The following GPC6 variants were observed in gnomAD, a reference collection of about 807,000 sequenced individuals.
The protein encoded by GPC6 is glypican 6, also known as glypican-6.
A neutral mutation model predicts 55.2 loss-of-function variants in GPC6; 14 were observed. The observed-to-expected ratio is 0.25, with a 90% CI of 0.17 to 0.40. The LOEUF (loss-of-function observed/expected upper bound fraction) is 0.40. Among genes scored for constraint, GPC6 ranks in the 10% least tolerant of loss-of-function variants. The probability of loss-of-function intolerance (pLI) is 1.00; values close to 1 mark genes in which losing one functional copy is unlikely to be tolerated. For missense variants in GPC6, 641 were observed against 708.5 expected, an observed-to-expected ratio of 0.90 and a Z score of 1.08; for synonymous variants, 278 against 259.6, an observed-to-expected ratio of 1.07 and a Z score of -0.68.
At chr13:94,246,993 G>A (rs919979877) in intron 4 of GPC6, among the ~76,000 whole-genome samples, 2 of 152,006 alleles carry the variant, frequency 1.3e-5, no homozygotes, top group South Asian at 2.1e-4. Flanking sequence ...CATGAGCATC[G>A]AATATCTTTT....
chr13:93,814,092 C>T (rs1361788819), intron 2 of GPC6, among the ~76,000 whole-genome samples: 1 of 151,922 alleles, frequency 6.6e-6, no homozygotes, highest in South Asian at 2.1e-4. Flanking sequence ...TCATATGTGG[C>T]AGAAGGTAAT....
At chr13:93,505,462 G>A (rs911313895) in intron 1 of GPC6, among the ~76,000 whole-genome samples, 2 of 152,052 alleles carry the variant, frequency 1.3e-5, no homozygotes, top group Non-Finnish European at 2.9e-5. Flanking sequence ...GAGACAGAGA[G>A]AGAGAGAGAG....
chr13:93,978,114 C>G (rs1012490609), intron 3 of GPC6, among the ~76,000 whole-genome samples: 7 of 152,154 alleles, frequency 4.6e-5, no homozygotes, highest in Admixed American at 2.6e-4. Context: ...GTGAGAAAAA[C>G]TTCACCAGCT....
At chr13:93,366,673 T>C (rs1173256120) in intron 1 of GPC6, among the ~76,000 whole-genome samples, 2 of 152,044 alleles carry the variant, frequency 1.3e-5, no homozygotes, top group East Asian at 1.9e-4. Flanking sequence ...CTCATTCAAA[T>C]TGAGCAGATT....
At chr13:93,518,238 A>T (rs1881278079) in intron 1 of GPC6, among the ~76,000 whole-genome samples, 1 of 151,876 alleles carries the variant, frequency 6.6e-6, no homozygotes, top group African/African-American at 2.4e-5. Context: ...CAGAGTTTTG[A>T]TCATTATCTA....
At chr13:94,362,352 T>G (rs1449415068) in intron 6 of GPC6, among the ~76,000 whole-genome samples, 3 of 152,210 alleles carry the variant, frequency 2.0e-5, no homozygotes, top group Admixed American at 6.5e-5. Flanking sequence ...ATCAATAACA[T>G]AAAATTTCAC....
intron 3 of GPC6, among the ~76,000 whole-genome samples, chr13:93,989,614 G>A (rs1315192382): frequency 1.3e-5 from 2 of 152,272 alleles, no homozygotes; most frequent in East Asian, 3.9e-4. Context: ...GAGATAGGGG[G>A]AGATGAAGAT....
At chr13:94,241,898 C>G (rs761808876) in intron 4 of GPC6, among the ~76,000 whole-genome samples, 11 of 150,506 alleles carry the variant, frequency 7.3e-5, no homozygotes, top group Non-Finnish European at 1.2e-4. Context: ...CTTTTTTTTT[C>G]TTTTTAATGT....
At chr13:93,285,186 G>A (rs948696557) in intron 1 of GPC6, among the ~76,000 whole-genome samples, 4 of 152,232 alleles carry the variant, frequency 2.6e-5, no homozygotes, top group African/African-American at 9.6e-5. Flanking sequence ...GCAATAATGC[G>A]TGCTGTTGTA....
intron 2 of GPC6, among the ~76,000 whole-genome samples, chr13:93,576,976 A>G (rs963013815): frequency 7.2e-5 from 11 of 152,082 alleles, no homozygotes; most frequent in African/African-American, 2.7e-4. Flanking sequence ...TTTGAAATAC[A>G]TTTTTTCACT....
chr13:93,691,964 G>C (rs1236555342), intron 2 of GPC6, among the ~76,000 whole-genome samples: 1 of 151,960 alleles, frequency 6.6e-6, no homozygotes, highest in Admixed American at 6.6e-5. Context: ...CTATCCCATT[G>C]CTGTAAAGGT....
intron 4 of GPC6, among the ~76,000 whole-genome samples, chr13:94,063,596 G>A (rs1884413290): frequency 6.6e-6 from 1 of 152,072 alleles, no homozygotes. Context: ...CTGTGGAGAG[G>A]ACCATGAAGT....
intron 4 of GPC6, among the ~76,000 whole-genome samples, chr13:94,170,933 G>A (rs1214702126): frequency 6.6e-6 from 1 of 152,192 alleles, no homozygotes; most frequent in Non-Finnish European, 1.5e-5. Context: ...AGAGTGCGAG[G>A]AAATAAATCT....
rs998370402 is a variant in GPC6 at position 93,374,775 on chromosome 13, A to G, written c.160+147159A>G. The stretch of plus-strand genomic sequence containing the variant: ...TACCTACCTGTTTTCTTCATTAGCT[A>G]AGTATGGATATGGTAATCATATTTT... On this transcript the variant is annotated intron_variant, in intron 1 of 8. Transcript: ENST00000377047. 4.6e-5 allele frequency among the ~76,000 whole-genome samples: 7 copies of G among 152,238 alleles called. No individual in the cohort carries two copies. The South Asian group carries it at 8.3e-4, about 18-fold the overall frequency.
At chr13:93,446,486 G>T (rs574877870) in intron 1 of GPC6, among the ~76,000 whole-genome samples, 5 of 142,926 alleles carry the variant, frequency 3.5e-5, no homozygotes, top group Non-Finnish European at 8.0e-5. Context: ...AGCTAGAATA[G>T]GTTTTTACAG....
intron 2 of GPC6, among the ~76,000 whole-genome samples, chr13:93,670,583 A>G (rs1881319965): frequency 6.6e-6 from 1 of 152,228 alleles, no homozygotes; most frequent in South Asian, 2.1e-4. Context: ...ATAATATTAC[A>G]TAATAGACTG....
intron 2 of GPC6, among the ~76,000 whole-genome samples, chr13:93,789,641 A>G (rs1325422550): frequency 9.8e-6 from 1 of 102,520 alleles, no homozygotes; most frequent in African/African-American, 3.7e-5. Context: ...ATATATATAT[A>G]TATAGTATTC....
At chr13:93,304,173 C>T (rs951483404) in intron 1 of GPC6, among the ~76,000 whole-genome samples, 23 of 152,050 alleles carry the variant, frequency 1.5e-4, no homozygotes, top group African/African-American at 5.3e-4. Flanking sequence ...GCCGTAGAGA[C>T]TATTTAATAT....
chr13:93,830,754 C>T, intron 3 of GPC6: 1 of 576,366 alleles, frequency 1.7e-6, no homozygotes, highest in Non-Finnish European at 3.0e-6. Flanking sequence ...TTAAGCCATT[C>T]TATGTGGTTT....
Sources: allele counts gnomAD v4.1 joint callset (sites outside exome capture counted in the v4.1 genomes callset), GRCh38; gene constraint gnomAD v4.1.1; transcripts MANE v1.5; gene names NCBI Gene and HGNC (gene_info 2026-07-23, HGNC 2026-07-21).